Variants in OPN5 observed in about 807,000 individuals in gnomAD.
OPN5 encodes the protein opsin 5, also known as opsin-5.
Under a neutral mutation model 41.7 loss-of-function variants are expected in OPN5, and 18 were observed. The observed-to-expected ratio is 0.43, with a 90% CI of 0.30 to 0.64. The LOEUF (loss-of-function observed/expected upper bound fraction) is 0.64. Ranked by LOEUF, OPN5 falls within the 30% of genes least tolerant of loss-of-function variation. The pLI, the probability that OPN5 is intolerant of heterozygous loss-of-function variation, is 0.13. For missense variants in OPN5, 318 were observed against 434.5 expected (o/e 0.73, Z 2.38); for synonymous variants, 178 against 164.3 (o/e 1.08, Z -0.64).
rs1561907261 is a variant in OPN5, at chr6:47,819,352, TAAAAAATATATTACCGTATAAGTAGAA to T, written c.1057-4629_1057-4603del. Among the ~76,000 whole-genome samples the T allele has an allele frequency of 3.4e-3, 316 of 94,084 alleles. 2 individuals carry two copies. The highest frequency in any genetic ancestry group is 0.014 in the East Asian group (35 of 2,540). The allele number at this position is 94,084 out of a possible 152,430, so 61.7% of individuals were successfully genotyped here. A position where few individuals can be genotyped will look rare whatever the true frequency, so the allele number is the denominator to read the frequency against. On this transcript the variant is annotated intron_variant, in intron 6 of 6. Coordinates refer to ENST00000371211, the Ensembl canonical transcript of OPN5. ...AAAATTAGGAATATATATATATATA[TAAAAAATATATTACCGTATAAGTAGAA>T]ATATATATATATATATATATAAAAC...
chr6:47,806,639 A>C (rs1773978653), intron 4 of OPN5, among the ~76,000 whole-genome samples: 1 of 152,152 alleles, frequency 6.6e-6, no homozygotes, highest in South Asian at 2.1e-4. Flanking sequence ...CTGCTCAAAA[A>C]CCTACTAGTG....
intron 6 of OPN5, among the ~76,000 whole-genome samples, chr6:47,818,765 G>C (rs1762506509): frequency 6.6e-6 from 1 of 152,196 alleles, no homozygotes; most frequent in South Asian, 2.1e-4. Context: ...CAGCAGTCAG[G>C]TCAGCTGGGA....
chr6:47,792,196 TG>T (rs1460597277), intron 3 of OPN5, among the ~76,000 whole-genome samples: 12 of 152,326 alleles, frequency 7.9e-5, no homozygotes, highest in African/African-American at 2.4e-4. Context: ...GTCTGGTGTT[TG>T]GTTATAATGC....
chr6:47,796,898 T>C (rs952562216), intron 4 of OPN5, among the ~76,000 whole-genome samples: 2 of 152,188 alleles, frequency 1.3e-5, no homozygotes, highest in African/African-American at 4.8e-5. Flanking sequence ...GACTCACAAT[T>C]CCACATGGCT....
At chr6:47,792,639 T>C (rs1184626879) in intron 3 of OPN5, among the ~76,000 whole-genome samples, 1 of 152,232 alleles carries the variant, frequency 6.6e-6, no homozygotes, top group African/African-American at 2.4e-5. Context: ...CATTTGTTTG[T>C]TGGAGCTCTC....
intron 1 of OPN5, among the ~76,000 whole-genome samples, chr6:47,784,305 T>TC (rs1773147336): frequency 6.7e-6 from 1 of 149,930 alleles, no homozygotes. Flanking sequence ...CAAGATTCCT[T>TC]TTTTTTTTGG....
At chr6:47,803,562 A>G (rs1329021782) in intron 4 of OPN5, among the ~76,000 whole-genome samples, 2 of 152,154 alleles carry the variant, frequency 1.3e-5, no homozygotes, top group African/African-American at 4.8e-5. Context: ...TATCTTTGTT[A>G]TCCCCATTCT....
chr6:47,795,031 A>C (rs1171606728), intron 3 of OPN5, 198 bp from the exon 4 acceptor site: 1 of 507,712 alleles, frequency 2.0e-6, no homozygotes, highest in Admixed American at 3.3e-5. Context: ...AAACCTTCCA[A>C]TTGTGTTCTC....
rs200131020 is a variant in OPN5 at position 47,796,455 on chromosome 6, A to C, written c.756+892A>C. Among the ~76,000 whole-genome samples the C allele has an allele frequency of 1.5e-4, 23 of 152,322 alleles. No individual in the cohort carries two copies. In the East Asian group the frequency reaches 4.2e-3, roughly 28 times the overall value. On this transcript the variant is annotated intron_variant, in intron 4 of 6. Transcript: ENST00000371211. ...CCCTTGTACTGAAAAAATATTTTCC[A>C]ACACATGCCATCAATATAAATGACA...
intron 4 of OPN5, among the ~76,000 whole-genome samples, chr6:47,807,898 G>A (rs148239051): frequency 2.6e-4 from 39 of 150,896 alleles, no homozygotes; most frequent in Non-Finnish European, 4.3e-4. Flanking sequence ...TATATTTTGG[G>A]TCTTTGGGTA....
intron 4 of OPN5, among the ~76,000 whole-genome samples, chr6:47,803,807 G>A (rs1387873368): frequency 2.0e-5 from 3 of 152,152 alleles, no homozygotes; most frequent in Admixed American, 6.6e-5. Context: ...GAAAATCAGC[G>A]ATTCTGCCCC....
intron 4 of OPN5, among the ~76,000 whole-genome samples, chr6:47,803,910 T>C (rs2113978334): frequency 6.6e-6 from 1 of 152,328 alleles, no homozygotes; most frequent in African/African-American, 2.4e-5. Flanking sequence ...TATTCCACAC[T>C]GCCTCAGCAC....
chr6:47,795,102 A>T, intron 3 of OPN5, 127 bp from the exon 4 acceptor site: 1 of 740,788 alleles, frequency 1.3e-6, no homozygotes, highest in Non-Finnish European at 2.1e-6. Flanking sequence ...CTCAGGCTTC[A>T]GTTATCTGCC....
rs559194579 is a variant in OPN5, at chr6:47,811,953, T to C, written c.1056+222T>C. 1.7e-5 allele frequency: 6 copies of C among 345,772 alleles called. No individual in the cohort carries two copies. In the Admixed American group the frequency reaches 2.7e-4, roughly 15 times the overall value. The allele number at this position is 345,772 out of a possible 1,614,324, so 21.4% of individuals were successfully genotyped here. A position where few individuals can be genotyped will look rare whatever the true frequency, so the allele number is the denominator to read the frequency against. ...GGAATATTATCAGGATGAGCGTCCC[T>C]GGAACTTTCTTTTCTCGTACTTTAA... On this transcript the variant is annotated intron_variant, in intron 6 of 6. Transcript: ENST00000371211.
intron 4 of OPN5, among the ~76,000 whole-genome samples, chr6:47,795,847 A>G (rs568535867): frequency 1.3e-5 from 2 of 151,664 alleles, no homozygotes; most frequent in East Asian, 1.9e-4. Flanking sequence ...TAACCCATCA[A>G]TTTGGGGCTT....
At chr6:47,818,810 G>A (rs1762508415) in intron 6 of OPN5, among the ~76,000 whole-genome samples, 1 of 152,174 alleles carries the variant, frequency 6.6e-6, no homozygotes, top group South Asian at 2.1e-4. Context: ...TGTAAGAAAT[G>A]ACTGGCTCAA....
chr6:47,790,399 C>T (rs953357570), intron 2 of OPN5, among the ~76,000 whole-genome samples: 1 of 146,834 alleles, frequency 6.8e-6, no homozygotes, highest in African/African-American at 2.4e-5. Flanking sequence ...GACACTCTCT[C>T]TCTCTTTCTC....
At chr6:47,808,395 G>C in exon 5 of OPN5, 2 of 1,613,884 alleles carry the variant, frequency 1.2e-6, no homozygotes, top group Non-Finnish European at 1.7e-6. Context: ...GAAGGCTTCA[G>C]GTAAAACTTC....
intron 6 of OPN5, among the ~76,000 whole-genome samples, chr6:47,815,079 C>T (rs1762391393): frequency 6.6e-6 from 1 of 152,024 alleles, no homozygotes; most frequent in African/African-American, 2.4e-5. Flanking sequence ...TAGAAATGCC[C>T]TACTAACTTG....
Sources: allele counts gnomAD v4.1 joint callset (sites outside exome capture counted in the v4.1 genomes callset), GRCh38; gene constraint gnomAD v4.1.1; transcripts MANE v1.5; gene names NCBI Gene and HGNC (gene_info 2026-07-23, HGNC 2026-07-21).